MCF2L2: variants seen among roughly 807,000 people sequenced by gnomAD.
MCF2L2 encodes the protein MCF.2 cell line derived transforming sequence-like 2.
In MCF2L2, 102 loss-of-function variants were observed where a neutral mutation model predicts 150.2. That is an observed-to-expected ratio of 0.68 (90% CI 0.58 to 0.80). MCF2L2 has a LOEUF of 0.80. Among genes scored for constraint, MCF2L2 ranks in the 30% least tolerant of loss-of-function variants. The probability of loss-of-function intolerance (pLI) is 0.00; values close to 1 mark genes in which losing one functional copy is unlikely to be tolerated. For synonymous variants in MCF2L2, 465 were observed against 491.3 expected (o/e 0.95, Z 0.71); for missense variants, 1,256 against 1,372.8 (o/e 0.91, Z 1.34).
chr3:183,208,305 G>A (rs1389643279), intron 22 of MCF2L2, among the ~76,000 whole-genome samples: 3 of 152,214 alleles, frequency 2.0e-5, no homozygotes, highest in African/African-American at 7.2e-5. Context: ...ATGAGGACCT[G>A]AGAAAATGAA....
chr3:183,310,346 C>CA (rs1408854035), intron 9 of MCF2L2, among the ~76,000 whole-genome samples: 1 of 151,986 alleles, frequency 6.6e-6, no homozygotes, highest in Non-Finnish European at 1.5e-5. Context: ...ACCAAAAATA[C>CA]AAAAAATTAG....
At chr3:183,273,280 A>G in intron 15 of MCF2L2, 2 of 336,198 alleles carry the variant, frequency 5.9e-6, no homozygotes, top group Non-Finnish European at 1.1e-5. Context: ...TTAATTTTAT[A>G]CCAAAATGTT....
At chr3:183,416,269 GA>G (rs2108627844) in intron 1 of MCF2L2, among the ~76,000 whole-genome samples, 1 of 152,136 alleles carries the variant, frequency 6.6e-6, no homozygotes, top group African/African-American at 2.4e-5. Context: ...CAGAATCTGA[GA>G]CAAGAAAGGA....
At chr3:183,180,827 A>G (rs1721492970) in intron 27 of MCF2L2, among the ~76,000 whole-genome samples, 2 of 152,194 alleles carry the variant, frequency 1.3e-5, no homozygotes, top group African/African-American at 2.4e-5. Context: ...CCCCCTTTAC[A>G]GTTGGGGAAA....
At chr3:183,285,736 C>A (rs1322263388) in intron 14 of MCF2L2, among the ~76,000 whole-genome samples, 3 of 151,388 alleles carry the variant, frequency 2.0e-5, no homozygotes, top group African/African-American at 7.3e-5. Context: ...TCTTTTTTTT[C>A]ATCTTCTGGG....
At chr3:183,212,682 AC>A (rs869171121) in intron 22 of MCF2L2, among the ~76,000 whole-genome samples, 3 of 136,116 alleles carry the variant, frequency 2.2e-5, no homozygotes, top group Non-Finnish European at 3.4e-5. Context: ...TCACAAACTT[AC>A]TGCACAAAGA....
At position 183,180,137 on chromosome 3, in the gene MCF2L2, G is replaced by C; in HGVS notation, c.3039C>G (p.Ser1013Arg). 6.2e-7 allele frequency: 1 copy of C among 1,613,696 alleles called. No individual in the cohort carries two copies. Among genetic ancestry groups the C allele is most frequent in the East Asian group, 2.2e-5 (1 of 44,866 alleles). The change falls in exon 28 of 30, where the codon AGC becomes AGG. Residue 1013 changes from serine (S) to arginine (R), a missense_variant. By Grantham distance (110) the Ser-to-Arg change is moderately radical. Transcript: ENST00000328913. ...CACAGTCTTCAAAGGTGTCCATGGA[G>C]CTAAACTCCCTGCTGGAGCAGCCTT... is the stretch of plus-strand genomic sequence containing the variant. ...GIKGCSSREF[S>R]SMDTFEDCEG...
intron 1 of MCF2L2, among the ~76,000 whole-genome samples, chr3:183,419,392 T>G (rs1194316164): frequency 6.6e-6 from 1 of 152,242 alleles, no homozygotes; most frequent in Non-Finnish European, 1.5e-5. Context: ...CCTTATTACT[T>G]ATGCAAATCT....
intron 5 of MCF2L2, among the ~76,000 whole-genome samples, chr3:183,333,396 G>C (rs1253630924): frequency 4.6e-5 from 7 of 152,058 alleles, no homozygotes; most frequent in African/African-American, 1.7e-4. Flanking sequence ...ATTTTGAACA[G>C]ATAATATTTA....
At position 183,221,460 on chromosome 3, in the gene MCF2L2, G is replaced by A. The variant is rs183404141; in HGVS notation, c.2302-1536C>T. On this transcript the variant is annotated intron_variant, in intron 20 of 29. Transcript: ENST00000328913. ...ACGCAGCCTGGAAGGGTCAGAGCCT[G>A]GATTCAGACCCAGGTTGTTAAACTC... Among the ~76,000 whole-genome samples, 14 of 152,270 alleles carry A rather than the reference G, an allele frequency of 9.2e-5. No individual in the cohort carries two copies. In the East Asian group the frequency reaches 2.7e-3, roughly 29 times the overall value.
intron 22 of MCF2L2, among the ~76,000 whole-genome samples, chr3:183,211,437 C>G (rs1171029040): frequency 1.3e-5 from 2 of 152,188 alleles, no homozygotes; most frequent in Non-Finnish European, 2.9e-5. Context: ...CACAAATGTT[C>G]TCAGGACCAC....
intron 1 of MCF2L2, among the ~76,000 whole-genome samples, chr3:183,396,464 C>G (rs1265665323): frequency 6.6e-6 from 1 of 152,198 alleles, no homozygotes; most frequent in East Asian, 1.9e-4. Context: ...GGTAATTCAT[C>G]ATGCAAATAT....
intron 18 of MCF2L2, 83 bp from the exon 19 acceptor site, chr3:183,224,273 C>T: frequency 1.1e-6 from 1 of 883,518 alleles, no homozygotes; most frequent in South Asian, 1.4e-5. Flanking sequence ...TTCATTCATT[C>T]AACAAGCCAG....
At chr3:183,361,027 A>AGACAG (rs1399768527) in intron 3 of MCF2L2, among the ~76,000 whole-genome samples, 29 of 131,614 alleles carry the variant, frequency 2.2e-4, no homozygotes, top group African/African-American at 3.2e-4. Flanking sequence ...AGAAAAGAGA[A>AGACAG]AAGAAAAGGA....
intron 10 of MCF2L2, among the ~76,000 whole-genome samples, chr3:183,301,869 CT>C (rs1459619858): frequency 5.3e-5 from 8 of 151,988 alleles, no homozygotes; most frequent in African/African-American, 1.9e-4. Context: ...AAGATTGGCC[CT>C]TTGTTGGCAT....
Position 183,179,983 on chromosome 3 carries a change from A to G in MCF2L2, c.3105+88T>C. On this transcript the variant is annotated intron_variant, in intron 28 of 29. Transcript: ENST00000328913. The surrounding 1 kb of genome is among the most constrained non-coding windows in gnomAD (Gnocchi z 4.2). ...GGGTGAGAATCCTGAGGAGGGGGAG[A>G]GGGATGGAGGCTAGGGACAGGAGGC... 3.8e-6 allele frequency: 4 copies of G among 1,058,346 alleles called. No homozygotes were observed. Among genetic ancestry groups the G allele is most frequent in the Non-Finnish European group, 5.8e-6 (4 of 689,106 alleles). The allele number at this position is 1,058,346 out of a possible 1,614,324, so 65.6% of individuals were successfully genotyped here.
intron 25 of MCF2L2, among the ~76,000 whole-genome samples, chr3:183,201,609 C>T (rs555362668): frequency 1.3e-5 from 2 of 152,062 alleles, no homozygotes; most frequent in South Asian, 2.1e-4. Flanking sequence ...AATTCAATAC[C>T]CTTTATTTCT....
chr3:183,397,074 A>T lies in MCF2L2; in HGVS notation c.77-7295T>A, dbSNP rs547385289. On this transcript the variant is annotated intron_variant, in intron 1 of 29. Transcript: ENST00000328913. ...TATGGTCATTTGTTACAGCAGACAC[A>T]GGAAACTAATATAATAGGCATAGAC... 3.3e-5 allele frequency among the ~76,000 whole-genome samples: 5 copies of T among 152,356 alleles called. No homozygotes were observed. In the South Asian group the frequency reaches 1.0e-3, roughly 32 times the overall value.
chr3:183,299,699 G>GA (rs372697213), intron 11 of MCF2L2: 72 of 317,470 alleles, frequency 2.3e-4, no homozygotes, highest in African/African-American at 1.4e-3. Context: ...ACCTGAAAGG[G>GA]AATCAAGAAG....
Sources: gnomAD v4.1 joint callset for allele counts (sites outside exome capture counted in the v4.1 genomes callset) on GRCh38, gnomAD v4.1.1 for gene constraint, Gnocchi (gnomAD v3.1) non-coding constraint, MANE v1.5 for transcripts, NCBI Gene and HGNC (gene_info 2026-07-23, HGNC 2026-07-21) for gene names.